AKAP17A: variants seen among roughly 807,000 people sequenced by gnomAD.
AKAP17A encodes the protein A-kinase anchoring protein 17A, also known as A-kinase anchor protein 17A.
AKAP17A carries 15 observed loss-of-function variants against 52.2 expected under a neutral mutation model. The ratio of observed to expected loss-of-function variants is 0.29; its 90% CI spans 0.19 to 0.44. The LOEUF (loss-of-function observed/expected upper bound fraction) is 0.44, where lower values mean the gene tolerates loss of function less well. Ranked by LOEUF, AKAP17A falls within the 20% of genes least tolerant of loss-of-function variation. The pLI is 1.00. For missense variants in AKAP17A, 1,060 were observed against 1,007.0 expected, an observed-to-expected ratio of 1.05 and a Z score of -0.71; for synonymous variants, 514 against 424.7, an observed-to-expected ratio of 1.21 and a Z score of -2.58.
intron 4 of AKAP17A, chrX:1,599,999 C>G (rs185628267): frequency 2.2e-5 from 11 of 494,060 alleles, no homozygotes; most frequent in African/African-American, 1.8e-4. Flanking sequence ...TGGTAACTCC[C>G]ATGAGCCCGG....
At chrX:1,599,040 T>G in intron 3 of AKAP17A, 152 bp from the exon 4 acceptor site, 2 of 1,237,540 alleles carry the variant, frequency 1.6e-6, no homozygotes, top group Non-Finnish European at 2.2e-6. Flanking sequence ...TCGGGCTGCT[T>G]TGAGTCAACC....
rs184492743 is a variant in AKAP17A, at chrX:1,601,223, C to T, written c.1717C>T (p.Arg573Trp). Residue 573 changes from arginine to tryptophan, a missense_variant, in exon 5 of 5, where the codon CGG (arginine) becomes TGG (tryptophan). Physicochemically the swap from Arg to Trp is moderately radical, Grantham distance 101. Coordinates refer to ENST00000313871, the MANE Select transcript of AKAP17A (RefSeq NM_005088.3). The part of the protein sequence containing the change: ...CEQNVSRKDT[R>W]SEQDKCNREP... ...GCAGAATGTCTCCAGAAAGGACACC[C>T]GGTCAGAACAGGACAAGTGCAACCG... 3.1e-5 allele frequency: 50 copies of T among 1,613,880 alleles called. No homozygotes were observed. The highest frequency in any genetic ancestry group is 2.8e-4 in the African/African-American group (21 of 75,054).
intron 4 of AKAP17A, 131 bp from the exon 5 acceptor site, chrX:1,600,528 C>A: frequency 1.0e-6 from 1 of 968,564 alleles, no homozygotes; most frequent in Non-Finnish European, 1.5e-6. Context: ...CACCCCTGGG[C>A]TGGAGTCCAG....
In AKAP17A at chrX:1,599,218, A is replaced by C; in HGVS notation, c.938A>C (p.Glu313Ala). Residue 313 changes from glutamate to alanine, a missense_variant, in exon 4 of 5, where the codon GAG (glutamate) becomes GCG (alanine). Physicochemically the swap from Glu to Ala is moderately radical, Grantham distance 107 (BLOSUM62 -1). Transcript: ENST00000313871. ...ERKQKELEEL[E>A]RERKREEKLR... ...AAACAAAAGGAGCTGGAAGAGCTGG[A>C]GCGAGAGAGGAAAAGAGAAGAGAAG... 1.2e-6 allele frequency: 2 copies of C among 1,612,386 alleles called. No homozygotes were observed. The highest frequency in any genetic ancestry group is 4.5e-5 in the East Asian group (2 of 44,894).
At chrX:1,595,663 T>A in intron 3 of AKAP17A, 131 bp downstream of exon 3, 1 of 1,415,078 alleles carries the variant, frequency 7.1e-7, no homozygotes, top group Middle Eastern at 2.6e-4. Context: ...CTTGTGTGTG[T>A]ACCTGTGTGC....
intron 4 of AKAP17A, chrX:1,599,774 C>G (rs1463966571): frequency 1.7e-6 from 1 of 605,948 alleles, no homozygotes; most frequent in African/African-American, 1.9e-5. Flanking sequence ...CTCTGGCCCG[C>G]GCCTCTGTGT....
intron 4 of AKAP17A, chrX:1,600,441 G>A (rs1430263900): frequency 2.5e-5 from 16 of 637,656 alleles, no homozygotes; most frequent in African/African-American, 5.5e-5. Context: ...TCACTCAGAC[G>A]CATGATGGCC....
chrX:1,595,413 T>C lies in AKAP17A; in HGVS notation c.792T>C (p.Ser264=). The change falls in exon 3 of 5, where the codon AGT becomes AGC. Residue 264 remains serine (S), a synonymous_variant. Coordinates refer to ENST00000313871, the MANE Select transcript of AKAP17A (RefSeq NM_005088.3). ...CTTTTGATTCGACCAAACACCTGAG[T>C]GATGCCTCAATTAAGAAGCGGCAGC... ...KVSFDSTKHL[S]DASIKKRQLE... is the part of the protein sequence containing the mutation. 1 of 1,613,956 alleles carries C rather than the reference T, an allele frequency of 6.2e-7. No individual in the cohort carries two copies. Among genetic ancestry groups the C allele is most frequent in the East Asian group, 2.2e-5 (1 of 44,870 alleles).
intron 3 of AKAP17A, among the ~76,000 whole-genome samples, chrX:1,595,849 A>ATCGGCACATAGCACACAGGCAC (rs1932951119): frequency 1.3e-5 from 2 of 151,318 alleles, no homozygotes; most frequent in African/African-American, 4.9e-5. Flanking sequence ...GTGCTTCTGT[A>ATCGGCACATAGCACACAGGCAC]TCGGCACATA....
At chrX:1,597,021 T>C (rs1182088984) in intron 3 of AKAP17A, among the ~76,000 whole-genome samples, 8 of 152,220 alleles carry the variant, frequency 5.3e-5, no homozygotes, top group Non-Finnish European at 7.3e-5. Flanking sequence ...GTCGCCGATA[T>C]CAAGTCTGGG....
At chrX:1,598,697 G>A (rs1480774758) in intron 3 of AKAP17A, among the ~76,000 whole-genome samples, 5 of 152,310 alleles carry the variant, frequency 3.3e-5, no homozygotes, top group South Asian at 2.1e-4. Flanking sequence ...CGTGGCTGTG[G>A]TTGGATTTGT....
At chrX:1,595,585 T>C in intron 3 of AKAP17A, 53 bp downstream of exon 3, 1 of 1,609,222 alleles carries the variant, frequency 6.2e-7, no homozygotes, top group South Asian at 1.1e-5. Context: ...CCTGGGAGTG[T>C]GCGCAGACCC....
intron 3 of AKAP17A, among the ~76,000 whole-genome samples, chrX:1,596,985 C>G: frequency 6.6e-6 from 1 of 152,320 alleles, no homozygotes; most frequent in East Asian, 1.9e-4. Flanking sequence ...GACTTTGGTG[C>G]GTCCTGCACG....
Position 1,601,710 on chromosome X carries a change from C to A in AKAP17A, c.*116C>A. On this transcript the variant is annotated 3_prime_UTR_variant, in exon 5 of 5. Coordinates refer to ENST00000313871, the MANE Select transcript of AKAP17A (RefSeq NM_005088.3). ...CTGCAAAGCCAAGACCCTTCTGCAG[C>A]CACGAATGTCCACGGAGCCCGCCGG... 1 of 954,372 alleles carries A rather than the reference C, an allele frequency of 1.0e-6. No homozygotes were observed. The highest frequency in any genetic ancestry group is 1.4e-6 in the Non-Finnish European group (1 of 711,516). 59.1% of individuals were successfully genotyped at this position (954,372 alleles called of 1,614,324 possible).
Position 1,599,335 on chromosome X carries a change from T to G in AKAP17A, c.1055T>G (p.Leu352Arg). The G allele has an allele frequency of 6.2e-7, 1 of 1,603,464 alleles. No individual in the cohort carries two copies. The highest frequency in any genetic ancestry group is 8.5e-7 in the Non-Finnish European group (1 of 1,175,850). The change falls in exon 4 of 5, where the codon CTG becomes CGG. Residue 352 changes from leucine (L) to arginine (R), a missense_variant. Physicochemically the swap from Leu to Arg is moderately radical, Grantham distance 102. This residue lies in a region of AKAP17A where 793 missense variants were observed against 629.9 expected (regional missense o/e 1.26). Transcript: ENST00000313871. ...EKLQAEEQKQ[L>R]QEKIKLEERK... ...CTGCAGGCGGAGGAGCAGAAGCAGC[T>G]GCAGGAGAAGATCAAGCTGGAGGAG...
chrX:1,595,232 GGTCTGCACCGGACA>G lies in AKAP17A; in HGVS notation c.763-151_763-138del, dbSNP rs1932921476. 332 of 188,004 alleles carry G rather than the reference GGTCTGCACCGGACA, an allele frequency of 1.8e-3. 124 individuals carry two copies. Among genetic ancestry groups the G allele is most frequent in the South Asian group, 3.0e-3 (31 of 10,202 alleles). The allele number at this position is 188,004 out of a possible 1,614,324, so 11.6% of individuals were successfully genotyped here. The stretch of plus-strand genomic sequence containing the variant: ...TTTGGCTTCTGGGCTCCACTGTCTG[GGTCTGCACCGGACA>G]TGAGTGGTGAGCGGTGAGCGGTGAG... On this transcript the variant is annotated intron_variant, in intron 2 of 4. Coordinates refer to ENST00000313871, the MANE Select transcript of AKAP17A (RefSeq NM_005088.3).
rs755567711 is a variant in AKAP17A, at chrX:1,599,469, C to G, written c.1152+37C>G. The G allele has an allele frequency of 3.2e-6, 5 of 1,552,050 alleles. No homozygotes were observed. The South Asian group carries it at 4.8e-5, about 15-fold the overall frequency. On this transcript the variant is annotated intron_variant, in intron 4 of 4. Transcript: ENST00000313871. ...CTCCCTCTGCAGCCGCCAGCCGCGC[C>G]CGGGCTGCCCTCAGTGCCCTCCCCT...
chrX:1,601,557 G>T lies in AKAP17A; in HGVS notation c.2051G>T (p.Arg684Leu). Residue 684 changes from arginine (R) to leucine (L), a missense_variant, in exon 5 of 5, where the codon CGG becomes CTG. Coordinates refer to ENST00000313871, the MANE Select transcript of AKAP17A (RefSeq NM_005088.3). ...CGCCGAAGCGAGCGGTCGCGCTCCC[G>T]GTCCCCGAGCAGGCACCGCAGTACC... ...HRRRSERSRS[R>L]SPSRHRSTWN... 1 of 1,464,692 alleles carries T rather than the reference G, an allele frequency of 6.8e-7. No homozygotes were observed. Among genetic ancestry groups the T allele is most frequent in the Non-Finnish European group, 9.0e-7 (1 of 1,117,256 alleles). The allele number at this position is 1,464,692 out of a possible 1,614,324, so 90.7% of individuals were successfully genotyped here.
At chrX:1,592,805 G>T (rs1378563255) in intron 1 of AKAP17A, among the ~76,000 whole-genome samples, 1 of 152,180 alleles carries the variant, frequency 6.6e-6, no homozygotes, top group Non-Finnish European at 1.5e-5. Context: ...GAAAGAAGGC[G>T]CAGACGGGGG....
Sources: allele counts gnomAD v4.1 joint callset (sites outside exome capture counted in the v4.1 genomes callset), GRCh38; gene constraint gnomAD v4.1.1; regional missense constraint gnomAD v4.1.1; transcripts MANE v1.5; gene names NCBI Gene and HGNC (gene_info 2026-07-23, HGNC 2026-07-21).